Variants in RNASEH2B observed in about 807,000 individuals in gnomAD.
The protein encoded by RNASEH2B is Aicardi-Goutieres syndrome 2 protein.
RNASEH2B carries 36 observed loss-of-function variants against 45.0 expected under a neutral mutation model. The observed-to-expected ratio is 0.80, with a 90% CI of 0.61 to 1.06. RNASEH2B has a LOEUF of 1.06. RNASEH2B is among the 50% of genes least tolerant of loss of function. The pLI, the probability that RNASEH2B is intolerant of heterozygous loss-of-function variation, is 0.00. For missense variants in RNASEH2B, 361 were observed against 360.3 expected, an observed-to-expected ratio of 1.00 and a Z score of -0.02; for synonymous variants, 119 against 125.7, an observed-to-expected ratio of 0.95 and a Z score of 0.35.
intron 4 of RNASEH2B, among the ~76,000 whole-genome samples, chr13:50,931,458 T>C (rs1951680081): frequency 6.6e-6 from 1 of 152,210 alleles, no homozygotes. Context: ...CATTACATGT[T>C]AACATAAATA....
At chr13:50,940,042 TTTC>T (rs1196011629) in intron 5 of RNASEH2B, among the ~76,000 whole-genome samples, 1 of 152,202 alleles carries the variant, frequency 6.6e-6, no homozygotes. Context: ...CACTTGACAA[TTTC>T]TTACAACTCA....
chr13:50,956,408 G>C lies in RNASEH2B; in HGVS notation c.873G>C (p.Lys291Asn), dbSNP rs1952049884. Residue 291 changes from lysine to asparagine, a missense_variant, in exon 11 of 11, where the codon AAG becomes AAC. Lys to Asn is a moderately conservative substitution (Grantham distance 94). Transcript: ENST00000336617. ...AAQKALAKVD[K>N]SGMKSIDTFF... ...AGAAGGCTTTGGCTAAAGTTGACAAGAGTGGAATGAAAAGTATTGATACCT... is the reference window on the plus strand; with the variant it reads ...AGAAGGCTTTGGCTAAAGTTGACAACAGTGGAATGAAAAGTATTGATACCT... 2 of 1,603,418 alleles carry C rather than the reference G, an allele frequency of 1.2e-6. No individual in the cohort carries two copies. Among genetic ancestry groups the C allele is most frequent in the Non-Finnish European group, 8.5e-7 (1 of 1,173,138 alleles).
intron 1 of RNASEH2B, chr13:50,911,824 G>T (rs1879417575): frequency 6.6e-6 from 1 of 152,162 alleles, no homozygotes; most frequent in Non-Finnish European, 1.5e-5. Flanking sequence ...TCAGAATCAA[G>T]TGCATTATTG....
rs111644384 is a variant in RNASEH2B, at chr13:50,966,514, AT to A, written c.742-3407del. ...CTCCATCTTTTTCATCAAGCCATAT[AT>A]TTTTTTTTTTCTGAAACTGATCACA... is the stretch of plus-strand genomic sequence containing the variant. On this transcript the variant is annotated intron_variant, in intron 9 of 9. Transcript: ENST00000422660. 3.6e-3 allele frequency among the ~76,000 whole-genome samples: 527 copies of A among 147,958 alleles called. 3 individuals are homozygous for A. Among genetic ancestry groups the A allele is most frequent in the African/African-American group, 0.01 (419 of 40,562 alleles).
intron 5 of RNASEH2B, among the ~76,000 whole-genome samples, chr13:50,939,650 CAA>C (rs950155327): frequency 4.2e-4 from 63 of 150,136 alleles, no homozygotes; most frequent in Non-Finnish European, 5.9e-5. Flanking sequence ...TTTTTTTTTC[CAA>C]AAGTGTGAAG....
intron 7 of RNASEH2B, among the ~76,000 whole-genome samples, chr13:50,946,749 C>G (rs1951905205): frequency 6.6e-6 from 1 of 152,124 alleles, no homozygotes; most frequent in East Asian, 1.9e-4. Context: ...CTGGGCTTGG[C>G]TATATTGCCA....
intron 1 of RNASEH2B, among the ~76,000 whole-genome samples, chr13:50,920,934 G>A (rs1195176084): frequency 1.3e-5 from 2 of 152,078 alleles, no homozygotes; most frequent in African/African-American, 2.4e-5. Flanking sequence ...AGATACACTG[G>A]TTTTAATTTA....
chr13:50,967,831 A>G (rs147426096), intron 9 of RNASEH2B, among the ~76,000 whole-genome samples: 178 of 152,308 alleles, frequency 1.2e-3, no homozygotes, highest in African/African-American at 4.0e-3. Context: ...AAATTTGGCA[A>G]TCTTGGGAGT....
intron 3 of RNASEH2B, chr13:50,930,186 C>T (rs1951658891): frequency 9.0e-6 from 2 of 221,700 alleles, no homozygotes; most frequent in South Asian, 6.7e-5. Flanking sequence ...TTCAAAGAAT[C>T]CTACATCCCC....
chr13:50,943,100 C>T, intron 5 of RNASEH2B: 3 of 432,906 alleles, frequency 6.9e-6, no homozygotes, highest in Non-Finnish European at 8.3e-6. Context: ...TGAAGGTTTT[C>T]TTAAATTCTT....
chr13:50,939,139 C>G (rs750110255), intron 5 of RNASEH2B: 1 of 152,182 alleles, frequency 6.6e-6, no homozygotes, highest in Non-Finnish European at 1.5e-5. Context: ...TGGATCATGA[C>G]GTCAGGAGAT....
chr13:50,949,649 C>G, intron 9 of RNASEH2B, 144 bp downstream of exon 9: 1 of 708,692 alleles, frequency 1.4e-6, no homozygotes, highest in Non-Finnish European at 2.4e-6. Context: ...AAAGATTGTA[C>G]TGGGCTCTCC....
At chr13:50,963,369 G>T (rs886766404) in intron 9 of RNASEH2B, among the ~76,000 whole-genome samples, 1 of 151,966 alleles carries the variant, frequency 6.6e-6, no homozygotes, top group Non-Finnish European at 1.5e-5. Context: ...TCTCCATGTT[G>T]GTCAGGCTGG....
chr13:50,930,160 G>A (rs1566080445), intron 3 of RNASEH2B: 1 of 220,468 alleles, frequency 4.5e-6, no homozygotes. Context: ...TCTGGGGTGG[G>A]GGCAGTCAGT....
intron 9 of RNASEH2B, 56 bp from the exon 10 acceptor site, chr13:50,953,849 G>T (rs1952007490): frequency 8.5e-7 from 1 of 1,176,548 alleles, no homozygotes; most frequent in Admixed American, 1.7e-5. Flanking sequence ...TTTTTTAATG[G>T]ATTGATGTTG....
chr13:50,947,963 C>A, intron 7 of RNASEH2B, 24 bp from the exon 8 acceptor site: 1 of 1,593,268 alleles, frequency 6.3e-7, no homozygotes. Flanking sequence ...TTTTTGCTTT[C>A]ACTCCTCCTT....
intron 1 of RNASEH2B, among the ~76,000 whole-genome samples, chr13:50,917,026 C>G (rs1251614771): frequency 6.6e-6 from 1 of 152,158 alleles, no homozygotes. Context: ...GCAGATCCCC[C>G]CAGTGTCTGC....
At chr13:50,969,535 A>G (rs1389739281) in intron 9 of RNASEH2B, among the ~76,000 whole-genome samples, 2 of 151,854 alleles carry the variant, frequency 1.3e-5, no homozygotes, top group East Asian at 1.9e-4. Flanking sequence ...AAAAAAAAAA[A>G]AAAGAAAAAT....
intron 9 of RNASEH2B, 196 bp from the exon 10 acceptor site, chr13:50,953,709 T>G: frequency 1.7e-6 from 1 of 606,006 alleles, no homozygotes; most frequent in South Asian, 2.0e-5. Context: ...GGCTGCTTCT[T>G]AGGAGTGATG....
Sources: allele counts gnomAD v4.1 joint callset (sites outside exome capture counted in the v4.1 genomes callset), GRCh38; gene constraint gnomAD v4.1.1; transcripts MANE v1.5; gene names NCBI Gene and HGNC (gene_info 2026-07-23, HGNC 2026-07-21).